FBXL20: variants seen among roughly 807,000 people sequenced by gnomAD.
The protein encoded by FBXL20 is F-box and leucine rich repeat protein 20, also known as F-box/LRR-repeat protein 20.
FBXL20 carries 11 observed loss-of-function variants against 64.0 expected under a neutral mutation model. The ratio of observed to expected loss-of-function variants is 0.17; its 90% CI spans 0.11 to 0.28. The LOEUF (loss-of-function observed/expected upper bound fraction) is 0.28, where lower values mean the gene tolerates loss of function less well. Ranked by LOEUF, FBXL20 falls within the 10% of genes least tolerant of loss-of-function variation. The pLI, the probability that FBXL20 is intolerant of heterozygous loss-of-function variation, is 1.00. For missense variants in FBXL20, 303 were observed against 526.2 expected (o/e 0.58, Z 4.15); for synonymous variants, 184 against 189.0 (o/e 0.97, Z 0.22).
intron 2 of FBXL20, among the ~76,000 whole-genome samples, chr17:39,316,126 G>T (rs1018797718): frequency 6.6e-6 from 1 of 152,052 alleles, no homozygotes. Context: ...TTAGGTTTCT[G>T]TTACAAAGGG....
chr17:39,328,248 C>CAAAAAAA (rs141259755), intron 2 of FBXL20, among the ~76,000 whole-genome samples: 3 of 55,102 alleles, frequency 5.4e-5, no homozygotes, highest in African/African-American at 2.1e-4. Context: ...AACTCTGCCT[C>CAAAAAAA]AAAAAAAAAA....
chr17:39,270,229 T>G (rs1028510487), intron 11 of FBXL20, among the ~76,000 whole-genome samples: 4 of 152,142 alleles, frequency 2.6e-5, no homozygotes, highest in African/African-American at 9.7e-5. Context: ...CTTAATCTAT[T>G]AGCTTATGAA....
chr17:39,305,100 GA>G (rs1362712724), intron 2 of FBXL20, among the ~76,000 whole-genome samples: 1 of 149,532 alleles, frequency 6.7e-6, no homozygotes, highest in Non-Finnish European at 1.5e-5. Context: ...CAGTTATGAA[GA>G]AAAAAAGATA....
chr17:39,333,464 T>A (rs959199777), intron 2 of FBXL20, among the ~76,000 whole-genome samples: 11 of 152,200 alleles, frequency 7.2e-5, no homozygotes, highest in Non-Finnish European at 1.5e-4. Context: ...TTGCCCAGGC[T>A]GGAGCGCAGT....
chr17:39,291,579 A>G (rs140447061), intron 6 of FBXL20, among the ~76,000 whole-genome samples: 1 of 151,684 alleles, frequency 6.6e-6, no homozygotes, highest in East Asian at 2.0e-4. Flanking sequence ...GACCACAGAC[A>G]TGCATCACCA....
rs2046691778 is a variant in FBXL20 at position 39,256,002 on chromosome 17, T to C, written c.*5458A>G. The C allele has an allele frequency of 6.6e-6, 1 of 152,100 alleles. No individual in the cohort carries two copies. Among genetic ancestry groups the C allele is most frequent in the African/African-American group, 2.4e-5 (1 of 41,412 alleles). 9.4% of individuals were successfully genotyped at this position (152,100 alleles called of 1,614,324 possible). A position where few individuals can be genotyped will look rare whatever the true frequency, so the allele number is the denominator to read the frequency against. ...GTATGATTTTATACAGCTCTCTGTA[T>C]CTTCCAATCTTACATTTAAAATTTA... is the stretch of plus-strand genomic sequence containing the variant. On this transcript the variant is annotated 3_prime_UTR_variant, in exon 15 of 15. Transcript: ENST00000264658.
At chr17:39,328,660 A>T (rs1410375127) in intron 2 of FBXL20, among the ~76,000 whole-genome samples, 4 of 152,224 alleles carry the variant, frequency 2.6e-5, no homozygotes, top group African/African-American at 4.8e-5. Context: ...AAGTAACGGT[A>T]AATTTAGAAA....
At chr17:39,292,689 G>C (rs576478252) in intron 6 of FBXL20, among the ~76,000 whole-genome samples, 1 of 151,586 alleles carries the variant, frequency 6.6e-6, no homozygotes, top group Non-Finnish European at 1.5e-5. Context: ...ACACGATCTC[G>C]GCTCACTGCA....
At chr17:39,305,860 G>A (rs1387821375) in intron 2 of FBXL20, among the ~76,000 whole-genome samples, 2 of 151,776 alleles carry the variant, frequency 1.3e-5, no homozygotes, top group African/African-American at 4.8e-5. Context: ...TGGTGGGGGC[G>A]CTTGTAATCC....
At chr17:39,284,055 A>G (rs1014377932) in intron 7 of FBXL20, among the ~76,000 whole-genome samples, 4 of 152,166 alleles carry the variant, frequency 2.6e-5, no homozygotes, top group African/African-American at 9.7e-5. Context: ...TTCCTACCAT[A>G]GCATTTATTC....
intron 1 of FBXL20, among the ~76,000 whole-genome samples, chr17:39,382,022 G>C (rs1347406852): frequency 6.6e-6 from 1 of 150,486 alleles, no homozygotes; most frequent in Non-Finnish European, 1.5e-5. Flanking sequence ...GAACCTGGGA[G>C]GTGGAGGTTG....
chr17:39,350,854 CT>C (rs1175983084), intron 1 of FBXL20, among the ~76,000 whole-genome samples: 2 of 152,194 alleles, frequency 1.3e-5, no homozygotes, highest in South Asian at 4.2e-4. Flanking sequence ...GAATCAAAGA[CT>C]GGGGGTAGGT....
intron 6 of FBXL20, among the ~76,000 whole-genome samples, chr17:39,287,780 A>G (rs2047001762): frequency 6.6e-6 from 1 of 152,056 alleles, no homozygotes; most frequent in African/African-American, 2.4e-5. Context: ...TTGACTTTGA[A>G]GAGAACTGCC....
chr17:39,274,948 G>T (rs199506075), intron 10 of FBXL20, 22 bp downstream of exon 10: 459 of 1,608,462 alleles, frequency 2.9e-4, no homozygotes, highest in Non-Finnish European at 3.5e-4. Flanking sequence ...TGATTTTTTT[G>T]AGCTAAACAA....
At chr17:39,324,211 T>C (rs186735433) in intron 2 of FBXL20, among the ~76,000 whole-genome samples, 12 of 150,140 alleles carry the variant, frequency 8.0e-5, no homozygotes, top group Non-Finnish European at 1.8e-4. Flanking sequence ...TGCAGATTCC[T>C]GGGTCCTAGC....
At chr17:39,301,698 A>G (rs2047136868) in intron 3 of FBXL20, among the ~76,000 whole-genome samples, 2 of 151,774 alleles carry the variant, frequency 1.3e-5, no homozygotes, top group Non-Finnish European at 2.9e-5. Flanking sequence ...ACTGCACTCC[A>G]GCCTGGGCGA....
chr17:39,317,700 TG>T lies in FBXL20; in HGVS notation c.105-14062del, dbSNP rs1567877410. On this transcript the variant is annotated intron_variant, in intron 2 of 14. Transcript: ENST00000264658. ...TTGTTTTTTTTTTTGTTTTTTTTTT[TG>T]TTTTTTTTTTTTTTTTTTGAGACGG... Among the ~76,000 whole-genome samples the T allele has an allele frequency of 1.3e-3, 83 of 64,886 alleles. 5 individuals carry two copies. Among genetic ancestry groups the T allele is most frequent in the African/African-American group, 0.011 (71 of 6,582 alleles). 42.6% of individuals were successfully genotyped at this position (64,886 alleles called of 152,430 possible). A position where few individuals can be genotyped will look rare whatever the true frequency, so the allele number is the denominator to read the frequency against.
At chr17:39,309,359 T>C (rs1230395431) in intron 2 of FBXL20, among the ~76,000 whole-genome samples, 2 of 152,188 alleles carry the variant, frequency 1.3e-5, no homozygotes, top group African/African-American at 4.8e-5. Context: ...TGGATATATA[T>C]ATTTAAAACC....
At chr17:39,285,713 A>G in intron 6 of FBXL20, 140 bp from the exon 7 acceptor site, 1 of 382,660 alleles carries the variant, frequency 2.6e-6, no homozygotes, top group Non-Finnish European at 4.6e-6. Context: ...GCAGTTATAT[A>G]TCCTACGACC....
Sources: gnomAD v4.1 joint callset for allele counts (sites outside exome capture counted in the v4.1 genomes callset) on GRCh38, gnomAD v4.1.1 for gene constraint, MANE v1.5 for transcripts, NCBI Gene and HGNC (gene_info 2026-07-23, HGNC 2026-07-21) for gene names.